The following EYS variants were observed in gnomAD, a reference collection of about 807,000 sequenced individuals.
EYS encodes the protein EGF-like photoreceptor maintenance factor.
Under a neutral mutation model 282.1 loss-of-function variants are expected in EYS, and 250 were observed. The observed-to-expected ratio is 0.89, with a 90% CI of 0.80 to 0.98. EYS has a LOEUF of 0.98. EYS is among the 50% of genes least tolerant of loss of function. EYS has a pLI of 0.00. For synonymous variants in EYS, 1,355 were observed against 1,282.9 expected, an observed-to-expected ratio of 1.06 and a Z score of -1.20; for missense variants, 4,016 against 3,709.0, an observed-to-expected ratio of 1.08 and a Z score of -2.15.
chr6:64,632,448 C>T (rs956318074), intron 22 of EYS, among the ~76,000 whole-genome samples: 3 of 152,006 alleles, frequency 2.0e-5, no homozygotes, highest in Non-Finnish European at 2.9e-5. Context: ...TGTGCTGTAG[C>T]CAAAAATTTT....
At chr6:64,398,103 G>T (rs1249393009) in intron 28 of EYS, among the ~76,000 whole-genome samples, 1 of 151,722 alleles carries the variant, frequency 6.6e-6, no homozygotes, top group Non-Finnish European at 1.5e-5. Flanking sequence ...AATTTTATAG[G>T]TATTTAATAA....
chr6:65,075,749 A>G (rs1343954745), intron 12 of EYS, among the ~76,000 whole-genome samples: 1 of 152,010 alleles, frequency 6.6e-6, no homozygotes, highest in African/African-American at 2.4e-5. Flanking sequence ...AATATTTCTA[A>G]GGAGAATTAT....
chr6:63,753,513 AG>A (rs1461298208), intron 41 of EYS, among the ~76,000 whole-genome samples: 2 of 152,176 alleles, frequency 1.3e-5, no homozygotes, highest in Non-Finnish European at 2.9e-5. Context: ...ATGGGAAGCA[AG>A]GACCTTCTTC....
rs1461673108 is a variant in EYS, at chr6:63,720,848, A to G, written c.9183T>C (p.Asn3061=). The G allele has an allele frequency of 6.4e-7, 1 of 1,551,238 alleles. No individual in the cohort carries two copies. The highest frequency in any genetic ancestry group is 2.4e-5 in the East Asian group (1 of 40,844). ...QNQTLIKAYI[N]NSLILSEDID... ...TATCCTCGGAAAGAATTAGACTGTTATTTATGTAGGCCTTGATAAGAGTCT... is the reference window on the plus strand; with the variant it reads ...TATCCTCGGAAAGAATTAGACTGTTGTTTATGTAGGCCTTGATAAGAGTCT... The change falls in exon 43 of 43, where the codon AAT becomes AAC. Residue 3061 remains asparagine, a synonymous_variant. Transcript: ENST00000503581.
chr6:65,477,547 T>C (rs745640339), intron 5 of EYS, among the ~76,000 whole-genome samples: 27 of 152,318 alleles, frequency 1.8e-4, no homozygotes, highest in Non-Finnish European at 3.7e-4. Context: ...ATTACTGCGA[T>C]GTATAGAACA....
At chr6:64,810,478 C>T (rs988785973) in intron 22 of EYS, among the ~76,000 whole-genome samples, 4 of 151,804 alleles carry the variant, frequency 2.6e-5, no homozygotes, top group African/African-American at 7.3e-5. Context: ...TTACACTTCA[C>T]CAAGTTAAAA....
At position 64,955,373 on chromosome 6, in the gene EYS, A is replaced by G. The variant is rs139398034; in HGVS notation, c.2260-9459T>C. Among the ~76,000 whole-genome samples the G allele has an allele frequency of 3.1e-3, 469 of 152,246 alleles. 1 individual carries two copies. Among genetic ancestry groups the G allele is most frequent in the Non-Finnish European group, 4.8e-3 (326 of 68,020 alleles). On this transcript the variant is annotated intron_variant, in intron 14 of 42. Coordinates refer to ENST00000503581, the MANE Select transcript of EYS (RefSeq NM_001142800.2). ...AATTCCATATTCATGGATTAGAAGA[A>G]TCGATATTGTTAAAACATCCATACT...
At chr6:64,408,345 T>G (rs917690526) in intron 28 of EYS, among the ~76,000 whole-genome samples, 7 of 152,176 alleles carry the variant, frequency 4.6e-5, no homozygotes, top group African/African-American at 1.7e-4. Context: ...AGTCACACTA[T>G]GCAACTCAGC....
intron 15 of EYS, among the ~76,000 whole-genome samples, chr6:64,935,578 G>C (rs1011607218): frequency 6.6e-6 from 1 of 151,290 alleles, no homozygotes; most frequent in African/African-American, 2.4e-5. Flanking sequence ...GAATGATCAA[G>C]AAAAAACAGA....
intron 22 of EYS, among the ~76,000 whole-genome samples, chr6:64,653,728 C>CTTTT: frequency 1.7e-5 from 1 of 60,340 alleles, no homozygotes; most frequent in African/African-American, 7.3e-5. Flanking sequence ...CCATGCCCAG[C>CTTTT]TATTTTTTTT....
At chr6:64,984,095 T>C (rs1207510039) in intron 14 of EYS, among the ~76,000 whole-genome samples, 1 of 151,512 alleles carries the variant, frequency 6.6e-6, no homozygotes, top group African/African-American at 2.4e-5. Flanking sequence ...TATGATGAAA[T>C]GTGTCCATTA....
At chr6:65,371,991 T>C (rs1644595166) in intron 8 of EYS, among the ~76,000 whole-genome samples, 1 of 67,750 alleles carries the variant, frequency 1.5e-5, no homozygotes, top group East Asian at 2.6e-4. Context: ...TGAGGATAAT[T>C]GTAAAAAAAA....
At chr6:64,262,843 C>A (rs1767632821) in intron 30 of EYS, among the ~76,000 whole-genome samples, 1 of 151,912 alleles carries the variant, frequency 6.6e-6, no homozygotes, top group Non-Finnish European at 1.5e-5. Flanking sequence ...TTGCAAGAAT[C>A]TGGTGAATTC....
rs898927307 is a variant in EYS, at chr6:65,467,756, A to G, written c.862+22838T>C. Among the ~76,000 whole-genome samples, 82 of 152,252 alleles carry G rather than the reference A, an allele frequency of 5.4e-4. 1 individual carries two copies. The highest frequency in any genetic ancestry group is 1.9e-3 in the African/African-American group (77 of 41,572). ...ATAGGTAAAAAGGAGCCGCAAATGT[A>G]GGTTAACACTAGAAAATAATAGTGT... On this transcript the variant is annotated intron_variant, in intron 5 of 42. Coordinates refer to ENST00000503581, the MANE Select transcript of EYS (RefSeq NM_001142800.2).
intron 12 of EYS, among the ~76,000 whole-genome samples, chr6:65,179,048 A>T (rs1202700118): frequency 6.6e-6 from 1 of 152,132 alleles, no homozygotes; most frequent in Non-Finnish European, 1.5e-5. Context: ...AATCTCTGGG[A>T]CACATTCAAA....
intron 22 of EYS, among the ~76,000 whole-genome samples, chr6:64,635,957 CT>C (rs371121143): frequency 0.08 from 12,111 of 152,098 alleles, 536 homozygotes; most frequent in Non-Finnish European, 0.1. Context: ...TGGTCCTGGA[CT>C]TTTTTTGGTT....
At chr6:65,574,981 A>T (rs1218802920) in intron 2 of EYS, among the ~76,000 whole-genome samples, 1 of 152,146 alleles carries the variant, frequency 6.6e-6, no homozygotes, top group Admixed American at 6.6e-5. Flanking sequence ...AAAAGAATAG[A>T]ACTATTTGAA....
chr6:65,590,251 T>C (rs1765185563), intron 2 of EYS, among the ~76,000 whole-genome samples: 1 of 152,048 alleles, frequency 6.6e-6, no homozygotes, highest in Non-Finnish European at 1.5e-5. Flanking sequence ...TGAAGCAATG[T>C]GCAACAGATG....
At chr6:64,431,780 A>G (rs1582744832) in intron 28 of EYS, among the ~76,000 whole-genome samples, 1 of 151,980 alleles carries the variant, frequency 6.6e-6, no homozygotes, top group East Asian at 1.9e-4. Flanking sequence ...TCAAATTATT[A>G]CCTTCCTCTC....
Sources: allele counts gnomAD v4.1 joint callset (sites outside exome capture counted in the v4.1 genomes callset), GRCh38; gene constraint gnomAD v4.1.1; transcripts MANE v1.5; gene names NCBI Gene and HGNC (gene_info 2026-07-23, HGNC 2026-07-21).